BNC2: variants seen among roughly 807,000 people sequenced by gnomAD.
BNC2 encodes the protein zinc finger protein basonuclin-2.
Under a neutral mutation model 76.3 loss-of-function variants are expected in BNC2, and 20 were observed. The observed-to-expected ratio is 0.26, with a 90% CI of 0.18 to 0.38. The LOEUF (loss-of-function observed/expected upper bound fraction) is 0.38. Ranked by LOEUF, BNC2 falls within the 10% of genes least tolerant of loss-of-function variation. The pLI, the probability that BNC2 is intolerant of heterozygous loss-of-function variation, is 1.00. For missense variants in BNC2, 1,382 were observed against 1,399.8 expected, an observed-to-expected ratio of 0.99 and a Z score of 0.20; for synonymous variants, 582 against 514.8, an observed-to-expected ratio of 1.13 and a Z score of -1.77.
At chr9:16,858,756 G>A (rs1255869051) in intron 1 of BNC2, among the ~76,000 whole-genome samples, 1 of 151,936 alleles carries the variant, frequency 6.6e-6, no homozygotes, top group Non-Finnish European at 1.5e-5. Context: ...TGAGGCAGGA[G>A]AATGGCGTGA....
At chr9:16,775,625 T>A (rs1825944505) in intron 1 of BNC2, 3 of 188,040 alleles carry the variant, frequency 1.6e-5, no homozygotes, top group African/African-American at 7.0e-5. Flanking sequence ...TTGATCCCAG[T>A]GGGCCTGAAC....
chr9:16,635,529 T>C (rs1821297669), intron 3 of BNC2, among the ~76,000 whole-genome samples: 1 of 152,214 alleles, frequency 6.6e-6, no homozygotes, highest in South Asian at 2.1e-4. Flanking sequence ...GTCAAAAATT[T>C]ACAAGAAAAA....
intron 3 of BNC2, among the ~76,000 whole-genome samples, chr9:16,665,671 T>C (rs1297446552): frequency 6.6e-6 from 1 of 152,186 alleles, no homozygotes; most frequent in Admixed American, 6.5e-5. Flanking sequence ...GATATGAAAA[T>C]GCATAATGCA....
intron 1 of BNC2, among the ~76,000 whole-genome samples, chr9:16,780,235 CAAAAAAAAAAAAA>C (rs372583425): frequency 3.0e-5 from 2 of 66,310 alleles, no homozygotes; most frequent in African/African-American, 6.3e-5. Context: ...GACTTCGTTT[CAAAAAAAAAAAAA>C]AAAAAAAACA....
At position 16,648,249 on chromosome 9, in the gene BNC2, T is replaced by C. The variant is rs547726888; in HGVS notation, c.331-65164A>G. 5.3e-5 allele frequency among the ~76,000 whole-genome samples: 8 copies of C among 152,342 alleles called. No individual in the cohort carries two copies. The East Asian group carries it at 1.5e-3, about 29-fold the overall frequency. Reference sequence around the variant, plus strand: ...GAAAACTGCTCCACTACTGGAATTATCATCACAGTTACTACTGCCATACAC... The same window carrying C: ...GAAAACTGCTCCACTACTGGAATTACCATCACAGTTACTACTGCCATACAC... On this transcript the variant is annotated intron_variant, in intron 3 of 6. Coordinates refer to ENST00000380672, the MANE Select transcript of BNC2 (RefSeq NM_017637.6).
intron 5 of BNC2, among the ~76,000 whole-genome samples, chr9:16,463,821 CCCGGTGG>C (rs1219836534): frequency 6.6e-6 from 1 of 151,818 alleles, no homozygotes; most frequent in African/African-American, 2.4e-5. Flanking sequence ...CTTTGGGAGG[CCCGGTGG>C]CTCATGTCTG....
chr9:16,429,920 C>G lies in BNC2; in HGVS notation c.2639+5635G>C, dbSNP rs556369487. 79 of 512,574 alleles carry G rather than the reference C, an allele frequency of 1.5e-4. 1 individual carries two copies. Among genetic ancestry groups the G allele is most frequent in the South Asian group, 1.1e-3 (77 of 69,768 alleles). The allele number at this position is 512,574 out of a possible 1,614,324, so 31.8% of individuals were successfully genotyped here. On this transcript the variant is annotated intron_variant, in intron 6 of 6. Transcript: ENST00000380672. The stretch of plus-strand genomic sequence containing the variant: ...GCCAGCAGGAGGTCATTAGGAAGAT[C>G]CGAGGCTCACTTTAGGCTTGACAGA...
chr9:16,702,174 A>G (rs1823534752), intron 3 of BNC2, among the ~76,000 whole-genome samples: 1 of 152,172 alleles, frequency 6.6e-6, no homozygotes, highest in East Asian at 1.9e-4. Context: ...GTTTTGTTTA[A>G]TTCTACAGAG....
intron 3 of BNC2, among the ~76,000 whole-genome samples, chr9:16,615,146 T>C (rs970592512): frequency 1.3e-5 from 2 of 152,118 alleles, no homozygotes; most frequent in Admixed American, 1.3e-4. Flanking sequence ...CCCATTATTA[T>C]TGCCATAATT....
chr9:16,817,727 A>G (rs1818218967), intron 1 of BNC2, among the ~76,000 whole-genome samples: 1 of 152,206 alleles, frequency 6.6e-6, no homozygotes, highest in African/African-American at 2.4e-5. Flanking sequence ...TCCAGGATTT[A>G]CAGCTTTTGC....
At chr9:16,774,460 T>A (rs1256185132) in intron 1 of BNC2, among the ~76,000 whole-genome samples, 1 of 152,232 alleles carries the variant, frequency 6.6e-6, no homozygotes, top group Non-Finnish European at 1.5e-5. Flanking sequence ...TTACATTCTA[T>A]CAGGCCTGAC....
At position 16,545,187 on chromosome 9, in the gene BNC2, T is replaced by A. The variant is rs77597772; in HGVS notation, c.669+7343A>T. Among the ~76,000 whole-genome samples the A allele has an allele frequency of 2.0e-3, 301 of 152,328 alleles. 1 individual carries two copies. The highest frequency in any genetic ancestry group is 2.8e-3 in the Non-Finnish European group (192 of 68,032). ...TTGATAATTAAATAGTAGCTGCTCT[T>A]TTTCTCTACTGGTTAGAAAGGGATT... is the stretch of plus-strand genomic sequence containing the variant. On this transcript the variant is annotated intron_variant, in intron 5 of 6. Coordinates refer to ENST00000380672, the MANE Select transcript of BNC2 (RefSeq NM_017637.6).
chr9:16,658,273 A>G (rs1182845428), intron 3 of BNC2, among the ~76,000 whole-genome samples: 2 of 97,028 alleles, frequency 2.1e-5, no homozygotes, highest in African/African-American at 6.7e-5. Context: ...TAATCTCAAA[A>G]CATGGAAACA....
At chr9:16,711,002 G>T (rs1823820704) in intron 3 of BNC2, among the ~76,000 whole-genome samples, 1 of 152,110 alleles carries the variant, frequency 6.6e-6, no homozygotes, top group South Asian at 2.1e-4. Flanking sequence ...GTCATGTGTA[G>T]AGTGCAGCTC....
At chr9:16,644,459 TG>T (rs1821570735) in intron 3 of BNC2, among the ~76,000 whole-genome samples, 1 of 152,200 alleles carries the variant, frequency 6.6e-6, no homozygotes, top group Non-Finnish European at 1.5e-5. Context: ...TATCTAATCA[TG>T]ATGACTATTA....
At chr9:16,704,279 A>T (rs1823596500) in intron 3 of BNC2, among the ~76,000 whole-genome samples, 1 of 152,160 alleles carries the variant, frequency 6.6e-6, no homozygotes, top group Non-Finnish European at 1.5e-5. Context: ...GCCTAAAACA[A>T]CTCCAACAGT....
chr9:16,499,423 C>T (rs1468812208), intron 5 of BNC2, among the ~76,000 whole-genome samples: 2 of 151,776 alleles, frequency 1.3e-5, no homozygotes, highest in Non-Finnish European at 2.9e-5. Flanking sequence ...TTAATTATAC[C>T]ACACTAAATC....
At chr9:16,619,636 A>G (rs1045507719) in intron 3 of BNC2, among the ~76,000 whole-genome samples, 1 of 152,170 alleles carries the variant, frequency 6.6e-6, no homozygotes, top group Admixed American at 6.5e-5. Context: ...TGTTTATAGC[A>G]CCATACCAGT....
chr9:16,512,703 G>A (rs548369657), intron 5 of BNC2, among the ~76,000 whole-genome samples: 1 of 152,236 alleles, frequency 6.6e-6, no homozygotes, highest in Non-Finnish European at 1.5e-5. Context: ...TAAAAAACTA[G>A]TAAGAATCTT....
Sources: gnomAD v4.1 joint callset for allele counts (sites outside exome capture counted in the v4.1 genomes callset) on GRCh38, gnomAD v4.1.1 for gene constraint, MANE v1.5 for transcripts, NCBI Gene and HGNC (gene_info 2026-07-23, HGNC 2026-07-21) for gene names.